Variants in RNF170 observed in about 807,000 individuals in gnomAD.
RNF170 encodes ring finger protein 170.
RNF170 carries 12 observed loss-of-function variants against 32.7 expected under a neutral mutation model. That is an observed-to-expected ratio of 0.37 (90% CI 0.24 to 0.60). The LOEUF (loss-of-function observed/expected upper bound fraction) is 0.60, where lower values mean the gene tolerates loss of function less well. Among genes scored for constraint, RNF170 ranks in the 20% least tolerant of loss-of-function variants. The pLI, the probability that RNF170 is intolerant of heterozygous loss-of-function variation, is 0.72. For synonymous variants in RNF170, 91 were observed against 103.6 expected (o/e 0.88, Z 0.74); for missense variants, 212 against 311.2 (o/e 0.68, Z 2.40).
chr8:42,857,865 T>C lies in RNF170; in HGVS notation c.508-1437A>G, dbSNP rs541324279. On this transcript the variant is annotated intron_variant, in intron 6 of 6. Transcript: ENST00000527424. ...GCCTGGAAAGCAGGGTGAAACCCCG[T>C]CTCTACTAAAAATACAAAAATTAGC... 4.6e-5 allele frequency among the ~76,000 whole-genome samples: 7 copies of C among 152,168 alleles called. No homozygotes were observed. In the South Asian group the frequency reaches 1.4e-3, roughly 31 times the overall value.
rs1804005593 is a variant in RNF170, at chr8:42,865,339, C to T, written c.396+77G>A. The stretch of plus-strand genomic sequence containing the variant: ...TCTGCTAAAAAGACAATAATAATTC[C>T]AAATGTAGATACAAAAACTATAAAA... On this transcript the variant is annotated intron_variant, in intron 5 of 6. Coordinates refer to ENST00000527424, the MANE Select transcript of RNF170 (RefSeq NM_030954.4). The T allele has an allele frequency of 2.7e-6, 3 of 1,099,964 alleles. No individual in the cohort carries two copies. The South Asian group carries it at 3.8e-5, about 14-fold the overall frequency. The allele number at this position is 1,099,964 out of a possible 1,614,324, so 68.1% of individuals were successfully genotyped here.
downstream of RNF170, among the ~76,000 whole-genome samples, chr8:42,851,688 C>A (rs549933757): frequency 6.6e-6 from 1 of 152,160 alleles, no homozygotes; most frequent in East Asian, 1.9e-4. Flanking sequence ...TCAGGCTGGA[C>A]TGCAGTGGTG....
chr8:42,866,139 C>A (rs1804061710), intron 4 of RNF170, among the ~76,000 whole-genome samples: 1 of 152,130 alleles, frequency 6.6e-6, no homozygotes, highest in Non-Finnish European at 1.5e-5. Context: ...TAACAACCAA[C>A]AAATCAGAGC....
intron 1 of RNF170, among the ~76,000 whole-genome samples, chr8:42,891,665 G>A (rs894408591): frequency 9.2e-5 from 14 of 152,116 alleles, no homozygotes; most frequent in Non-Finnish European, 1.6e-4. Context: ...TTTTAAATCT[G>A]TCCTTTCCCA....
intron 2 of RNF170, among the ~76,000 whole-genome samples, chr8:42,885,075 C>T (rs768563040): frequency 2.0e-5 from 3 of 151,202 alleles, no homozygotes; most frequent in Admixed American, 6.6e-5. Flanking sequence ...CTGAGAGCCA[C>T]CATTCTGCTC....
chr8:42,868,370 T>C (rs563266668), intron 4 of RNF170, among the ~76,000 whole-genome samples: 1 of 152,336 alleles, frequency 6.6e-6, no homozygotes, highest in African/African-American at 2.4e-5. Flanking sequence ...AGTCCCTATA[T>C]GAAAATTTCC....
In RNF170 at chr8:42,867,471, C is replaced by CAAAA. The variant is rs34272095; in HGVS notation, c.323-1986_323-1983dup. On this transcript the variant is annotated intron_variant, in intron 4 of 6. Transcript: ENST00000527424. The stretch of plus-strand genomic sequence containing the variant: ...GGGCAATAAGAGCAAAACTCCGTCT[C>CAAAA]AAAAAAAAAAAAAAAAAAAAAAGGC... Among the ~76,000 whole-genome samples, 33 of 35,704 alleles carry CAAAA rather than the reference C, an allele frequency of 9.2e-4. 3 individuals are homozygous for CAAAA. Among genetic ancestry groups the CAAAA allele is most frequent in the Admixed American group, 7.4e-4 (2 of 2,692 alleles). 23.4% of individuals were successfully genotyped at this position (35,704 alleles called of 152,430 possible).
chr8:42,881,734 AGACCAGCCT>A (rs1310049215), intron 2 of RNF170, among the ~76,000 whole-genome samples: 7 of 152,196 alleles, frequency 4.6e-5, no homozygotes, highest in African/African-American at 1.7e-4. Flanking sequence ...CTGGAATTTG[AGACCAGCCT>A]GGGCAACATG....
At position 42,854,583 on chromosome 8, in the gene RNF170, C is replaced by T. The variant is rs1803101461; in HGVS notation, c.*1576G>A. On this transcript the variant is annotated 3_prime_UTR_variant, in exon 7 of 7. Coordinates refer to ENST00000527424, the MANE Select transcript of RNF170 (RefSeq NM_030954.4). ...GTCCTAGGTCCAAATTAGAAAAACACATATTGATATTTCATTCAGAATCTC... is the reference window on the plus strand; with the variant it reads ...GTCCTAGGTCCAAATTAGAAAAACATATATTGATATTTCATTCAGAATCTC... The T allele has an allele frequency of 1.6e-6, 2 of 1,287,062 alleles. No homozygotes were observed. The highest frequency in any genetic ancestry group is 2.0e-6 in the Non-Finnish European group (2 of 988,560). The allele number at this position is 1,287,062 out of a possible 1,614,324, so 79.7% of individuals were successfully genotyped here.
At chr8:42,896,308 CG>C in intron 1 of RNF170, 175 bp downstream of exon 1, 1 of 366,348 alleles carries the variant, frequency 2.7e-6, no homozygotes, top group Non-Finnish European at 5.3e-6. Flanking sequence ...TCCGGACAGC[CG>C]CGGGGCGATT....
Position 42,866,557 on chromosome 8 carries a change from C to T in RNF170, c.323-1068G>A, listed in dbSNP as rs1016735360. Among the ~76,000 whole-genome samples, 4 of 150,182 alleles carry T rather than the reference C, an allele frequency of 2.7e-5. No homozygotes were observed. The South Asian group carries it at 8.4e-4, about 32-fold the overall frequency. ...TGAGATTATGCCACTGCACTATAGC[C>T]GGCTGACAGTGCGAGACTCCGTCTC... is the stretch of plus-strand genomic sequence containing the variant. On this transcript the variant is annotated intron_variant, in intron 4 of 6. Transcript: ENST00000527424.
chr8:42,857,898 G>A (rs1253784599), intron 6 of RNF170, among the ~76,000 whole-genome samples: 2 of 152,148 alleles, frequency 1.3e-5, no homozygotes, highest in African/African-American at 4.8e-5. Flanking sequence ...AGCTGGGCAT[G>A]GTGGCACACA....
downstream of RNF170, among the ~76,000 whole-genome samples, chr8:42,852,458 C>T (rs1296848061): frequency 6.6e-6 from 1 of 152,002 alleles, no homozygotes; most frequent in Non-Finnish European, 1.5e-5. Flanking sequence ...CACTCTGTCA[C>T]CCAGGCTGGA....
chr8:42,861,204 CT>C (rs2128926090), intron 6 of RNF170: 1 of 152,296 alleles, frequency 6.6e-6, no homozygotes, highest in East Asian at 1.9e-4. Flanking sequence ...GCTAGTTTCT[CT>C]TTCATAAAAA....
chr8:42,893,040 C>G (rs1432806916), intron 1 of RNF170, among the ~76,000 whole-genome samples: 1 of 152,024 alleles, frequency 6.6e-6, no homozygotes, highest in African/African-American at 2.4e-5. Flanking sequence ...TATAAAAATA[C>G]CACAGGTACC....
intron 2 of RNF170, among the ~76,000 whole-genome samples, chr8:42,885,922 A>C (rs1459660182): frequency 6.6e-6 from 1 of 152,152 alleles, no homozygotes; most frequent in East Asian, 1.9e-4. Context: ...ACGCCTGCCT[A>C]ATTTTAAAAT....
At chr8:42,885,766 T>G (rs1805766863) in intron 2 of RNF170, among the ~76,000 whole-genome samples, 1 of 152,154 alleles carries the variant, frequency 6.6e-6, no homozygotes, top group African/African-American at 2.4e-5. Context: ...TTTTTTTGTT[T>G]TGTTTTTTCT....
At chr8:42,876,665 T>G (rs1359913394) in intron 2 of RNF170, among the ~76,000 whole-genome samples, 1 of 149,160 alleles carries the variant, frequency 6.7e-6, no homozygotes, top group Non-Finnish European at 1.5e-5. Context: ...GGGTTTTTTT[T>G]TTTTTTTTTT....
intron 6 of RNF170, 80 bp from the exon 7 acceptor site, chr8:42,856,508 G>T: frequency 9.9e-7 from 1 of 1,008,014 alleles, no homozygotes; most frequent in South Asian, 1.4e-5. Flanking sequence ...CTTACTATAT[G>T]TAAACATTGT....
Sources: gnomAD v4.1 joint callset for allele counts (sites outside exome capture counted in the v4.1 genomes callset) on GRCh38, gnomAD v4.1.1 for gene constraint, MANE v1.5 for transcripts, NCBI Gene and HGNC (gene_info 2026-07-23, HGNC 2026-07-21) for gene names.